PRKCH: variants seen among roughly 807,000 people sequenced by gnomAD.
PRKCH encodes protein kinase C eta.
PRKCH carries 28 observed loss-of-function variants against 82.5 expected under a neutral mutation model. The observed-to-expected ratio is 0.34, with a 90% CI of 0.25 to 0.47. The LOEUF (loss-of-function observed/expected upper bound fraction) is 0.47. Ranked by LOEUF, PRKCH falls within the 20% of genes least tolerant of loss-of-function variation. The pLI is 1.00. For missense variants in PRKCH, 705 were observed against 881.8 expected, an observed-to-expected ratio of 0.80 and a Z score of 2.54; for synonymous variants, 322 against 327.4, an observed-to-expected ratio of 0.98 and a Z score of 0.18.
At chr14:61,259,296 T>C (rs2045025438) in intron 1 of PRKCH, among the ~76,000 whole-genome samples, 1 of 152,210 alleles carries the variant, frequency 6.6e-6, no homozygotes, top group African/African-American at 2.4e-5. Context: ...TTGCAGCTGC[T>C]TTCCACAGGG....
intron 3 of PRKCH, among the ~76,000 whole-genome samples, chr14:61,444,459 C>G (rs1884120875): frequency 6.9e-6 from 1 of 144,270 alleles, no homozygotes; most frequent in Non-Finnish European, 1.5e-5. Context: ...CCTGCCAGGC[C>G]CCTGTAGGCA....
intron 8 of PRKCH, 83 bp from the exon 9 acceptor site, chr14:61,457,423 C>T (rs1884825794): frequency 2.5e-6 from 4 of 1,585,942 alleles, no homozygotes; most frequent in Non-Finnish European, 3.4e-6. Context: ...TTCTCATGTG[C>T]CATTCTTTCT....
At chr14:61,450,760 T>C (rs1458919053) in intron 5 of PRKCH, 82 bp from the exon 6 acceptor site, 9 of 1,515,478 alleles carry the variant, frequency 5.9e-6, no homozygotes, top group Non-Finnish European at 6.3e-6. Context: ...ACACTTTGCA[T>C]TTGATGGGCT....
intron 1 of PRKCH, among the ~76,000 whole-genome samples, chr14:61,355,056 A>G (rs1330829562): frequency 6.6e-6 from 1 of 152,248 alleles, no homozygotes; most frequent in Non-Finnish European, 1.5e-5. Context: ...GATAATTTCG[A>G]TGATGTGTAA....
chr14:61,520,271 G>A (rs1037448883), intron 10 of PRKCH, among the ~76,000 whole-genome samples: 12 of 145,956 alleles, frequency 8.2e-5, no homozygotes, highest in African/African-American at 2.9e-4. Context: ...TTTTCCTCCT[G>A]TCTTTCCTCC....
intron 1 of PRKCH, among the ~76,000 whole-genome samples, chr14:61,276,068 T>A (rs1301575456): frequency 2.0e-5 from 3 of 152,166 alleles, no homozygotes; most frequent in Non-Finnish European, 2.9e-5. Flanking sequence ...GCATCAACAC[T>A]ATTAGAAAAA....
chr14:61,345,325 C>G (rs1320256340), intron 1 of PRKCH, among the ~76,000 whole-genome samples: 1 of 152,142 alleles, frequency 6.6e-6, no homozygotes, highest in African/African-American at 2.4e-5. Flanking sequence ...AGGTTTTAGA[C>G]TTCAAGTGAA....
intron 1 of PRKCH, among the ~76,000 whole-genome samples, chr14:61,352,290 T>C (rs535523182): frequency 6.6e-6 from 1 of 152,172 alleles, no homozygotes; most frequent in African/African-American, 2.4e-5. Context: ...TTCCTTAAAA[T>C]CAGGTTTGTT....
intron 11 of PRKCH, among the ~76,000 whole-genome samples, chr14:61,529,871 A>G (rs979457856): frequency 2.0e-5 from 3 of 147,370 alleles, no homozygotes; most frequent in Admixed American, 6.9e-5. Context: ...TAACCTGCAC[A>G]ATGTGCGCAT....
At chr14:61,341,016 G>A (rs2045924663) in intron 1 of PRKCH, among the ~76,000 whole-genome samples, 1 of 152,166 alleles carries the variant, frequency 6.6e-6, no homozygotes, top group African/African-American at 2.4e-5. Context: ...GATGGCCTTG[G>A]AACTGGTTTC....
intron 1 of PRKCH, among the ~76,000 whole-genome samples, chr14:61,378,572 G>A (rs765378829): frequency 2.6e-5 from 4 of 152,120 alleles, no homozygotes; most frequent in East Asian, 1.9e-4. Flanking sequence ...GTAATTTGTG[G>A]TGTTCCTCCC....
intron 1 of PRKCH, among the ~76,000 whole-genome samples, chr14:61,352,742 G>GA (rs1297768525): frequency 2.0e-5 from 3 of 150,282 alleles, no homozygotes; most frequent in Non-Finnish European, 4.4e-5. Context: ...AAGAAAGAAA[G>GA]ATGTCCTAGA....
chr14:61,489,910 C>A (rs905713690), intron 10 of PRKCH, among the ~76,000 whole-genome samples: 6 of 152,200 alleles, frequency 3.9e-5, no homozygotes, highest in Non-Finnish European at 8.8e-5. Flanking sequence ...CTCCTGAAGC[C>A]AGCCAGCACA....
At chr14:61,210,772 CTCTCTCTCTCT>C (rs1337534639) in intron 1 of PRKCH, among the ~76,000 whole-genome samples, 2 of 135,148 alleles carry the variant, frequency 1.5e-5, no homozygotes, top group Non-Finnish European at 3.4e-5. Context: ...CTCTCTCTCT[CTCTCTCTCTCT>C]CTCTCTCTGT....
At chr14:61,407,730 G>A (rs767755) in intron 2 of PRKCH, among the ~76,000 whole-genome samples, 102,742 of 151,992 alleles carry the variant, frequency 0.68, 35,110 homozygotes, top group East Asian at 0.8. Flanking sequence ...GTCACACTTA[G>A]GTACAGCCTT....
intron 1 of PRKCH, among the ~76,000 whole-genome samples, chr14:61,302,285 C>T (rs1327586607): frequency 6.6e-6 from 1 of 152,142 alleles, no homozygotes; most frequent in Non-Finnish European, 1.5e-5. Context: ...AGCATTCTTG[C>T]CTTTCCCAGA....
chr14:61,542,993 G>T (rs192248433), intron 12 of PRKCH, among the ~76,000 whole-genome samples: 77 of 152,326 alleles, frequency 5.1e-4, no homozygotes, highest in African/African-American at 1.7e-3. Context: ...CTTCATGTTA[G>T]AGTTGAGAAA....
chr14:61,443,075 C>T (rs755912696), intron 2 of PRKCH, 36 bp from the exon 3 acceptor site: 5 of 1,592,704 alleles, frequency 3.1e-6, no homozygotes, highest in Non-Finnish European at 4.3e-6. Context: ...AGGTTCCTTA[C>T]ATCTTATTCT....
chr14:61,444,424 A>G (rs2140278297), intron 3 of PRKCH, among the ~76,000 whole-genome samples: 1 of 150,088 alleles, frequency 6.7e-6, no homozygotes, highest in Middle Eastern at 3.4e-3. Context: ...ATTTCATGTC[A>G]CACTTTTCTG....
Sources: allele counts gnomAD v4.1 joint callset (sites outside exome capture counted in the v4.1 genomes callset), GRCh38; gene constraint gnomAD v4.1.1; transcripts MANE v1.5; gene names NCBI Gene and HGNC (gene_info 2026-07-23, HGNC 2026-07-21).